The following LMX1A variants were observed in gnomAD, a reference collection of about 807,000 sequenced individuals.
LMX1A encodes the protein LIM homeobox transcription factor 1-alpha.
In LMX1A, 15 loss-of-function variants were observed where a neutral mutation model predicts 49.1. The ratio of observed to expected loss-of-function variants is 0.31; its 90% CI spans 0.20 to 0.47. The LOEUF (loss-of-function observed/expected upper bound fraction) is 0.47, where lower values mean the gene tolerates loss of function less well. Among genes scored for constraint, LMX1A ranks in the 20% least tolerant of loss-of-function variants. The pLI is 1.00. For missense variants in LMX1A, 372 were observed against 475.8 expected (o/e 0.78, Z 2.03); for synonymous variants, 167 against 185.7 (o/e 0.90, Z 0.82).
At position 165,228,436 on chromosome 1, in the gene LMX1A, A is replaced by G. The variant is rs1652116296; in HGVS notation, c.497-14623T>C. 2.0e-5 allele frequency among the ~76,000 whole-genome samples: 3 copies of G among 152,126 alleles called. No homozygotes were observed. In the South Asian group the frequency reaches 6.2e-4, roughly 32 times the overall value. ...CAACAACCTCATCAGCCATCTAATC[A>G]CTTCTCTGTATTAAACTCTCTCTGT... On this transcript the variant is annotated intron_variant, in intron 4 of 8. Transcript: ENST00000342310.
chr1:165,352,932 T>C (rs1282893651), intron 3 of LMX1A, 144 bp downstream of exon 3: 1 of 879,062 alleles, frequency 1.1e-6, no homozygotes, highest in Non-Finnish European at 1.8e-6. Context: ...AGGGGCAATG[T>C]ACACGACTGC....
At chr1:165,223,578 C>T (rs1464863675) in intron 4 of LMX1A, among the ~76,000 whole-genome samples, 2 of 152,220 alleles carry the variant, frequency 1.3e-5, no homozygotes, top group Non-Finnish European at 2.9e-5. Flanking sequence ...CTTAAATTCA[C>T]AGTTCTGTGC....
intron 3 of LMX1A, among the ~76,000 whole-genome samples, chr1:165,292,464 T>C (rs1413194985): frequency 6.6e-6 from 1 of 152,048 alleles, no homozygotes; most frequent in East Asian, 1.9e-4. Flanking sequence ...ATATGAGAGA[T>C]ATACGAAGTG....
chr1:165,236,681 C>T (rs1206304577), intron 4 of LMX1A, among the ~76,000 whole-genome samples: 1 of 151,844 alleles, frequency 6.6e-6, no homozygotes. Context: ...GGAAGAATGG[C>T]TGATTAAGGT....
intron 4 of LMX1A, among the ~76,000 whole-genome samples, chr1:165,237,224 A>C (rs1406586720): frequency 6.6e-6 from 1 of 151,968 alleles, no homozygotes; most frequent in Non-Finnish European, 1.5e-5. Context: ...TACACTCTCT[A>C]TCTTTATTTA....
At chr1:165,319,992 G>A (rs1356755862) in intron 3 of LMX1A, among the ~76,000 whole-genome samples, 1 of 152,138 alleles carries the variant, frequency 6.6e-6, no homozygotes, top group Non-Finnish European at 1.5e-5. Flanking sequence ...CACTAAGACA[G>A]CACAACCTCT....
chr1:165,221,386 G>A (rs557635833), intron 4 of LMX1A, among the ~76,000 whole-genome samples: 57 of 151,928 alleles, frequency 3.8e-4, no homozygotes, highest in African/African-American at 1.2e-3. Flanking sequence ...AGACCCTCCC[G>A]TCTCCCCCCA....
rs1571241254 is a variant in LMX1A at position 165,355,506 on chromosome 1, C to T, written c.54G>A (p.Ser18=). 9 of 1,614,014 alleles carry T rather than the reference C, an allele frequency of 5.6e-6. No individual in the cohort carries two copies. Among genetic ancestry groups the T allele is most frequent in the Middle Eastern group, 3.3e-4 (2 of 6,062 alleles). The change falls in exon 2 of 9, where the codon TCG becomes TCA. Residue 18 remains serine, a synonymous_variant. Coordinates refer to ENST00000342310, the MANE Select transcript of LMX1A (RefSeq NM_177398.4). The surrounding 1 kb of genome is among the most constrained non-coding windows in gnomAD (Gnocchi z 4.7). Reference sequence around the variant, plus strand: ...CACCCAGCAGCGAGGAGAAGGAGGCCGAGGTGTCGATCGCGCTTTGGAAGT... The same window carrying T: ...CACCCAGCAGCGAGGAGAAGGAGGCTGAGGTGTCGATCGCGCTTTGGAAGT... ...EENFQSAIDT[S]ASFSSLLGRA... is the part of the protein sequence containing the mutation.
At chr1:165,313,949 T>G (rs561116289) in intron 3 of LMX1A, among the ~76,000 whole-genome samples, 1 of 152,188 alleles carries the variant, frequency 6.6e-6, no homozygotes, top group Non-Finnish European at 1.5e-5. Context: ...TTTCCCAAAC[T>G]GCTTTCAGAA....
At chr1:165,213,602 T>C in intron 5 of LMX1A, 39 bp downstream of exon 5, 1 of 1,579,472 alleles carries the variant, frequency 6.3e-7, no homozygotes, top group South Asian at 1.1e-5. Context: ...CACAGAGAAG[T>C]GGGGCCCAGC....
chr1:165,333,002 T>C (rs192666810), intron 3 of LMX1A, among the ~76,000 whole-genome samples: 1 of 152,338 alleles, frequency 6.6e-6, no homozygotes, highest in Non-Finnish European at 1.5e-5. Context: ...ATGCCTCTTT[T>C]AGAAACCATG....
intron 3 of LMX1A, among the ~76,000 whole-genome samples, chr1:165,286,298 A>T (rs1464269055): frequency 6.6e-6 from 1 of 152,196 alleles, no homozygotes; most frequent in Non-Finnish European, 1.5e-5. Flanking sequence ...ACTTCCTGGT[A>T]GACTCTGGAT....
chr1:165,235,470 C>T (rs1014258763), intron 4 of LMX1A, among the ~76,000 whole-genome samples: 2 of 152,252 alleles, frequency 1.3e-5, no homozygotes, highest in East Asian at 1.9e-4. Context: ...TCGGAAAGCC[C>T]TCTCTCGCAG....
intron 5 of LMX1A, 186 bp from the exon 6 acceptor site, chr1:165,210,962 C>T (rs960399999): frequency 7.5e-5 from 33 of 441,768 alleles, no homozygotes; most frequent in Non-Finnish European, 1.2e-4. Context: ...GAAAGTCCTT[C>T]ACCAGGTAAA....
chr1:165,314,669 C>T (rs577864773), intron 3 of LMX1A, among the ~76,000 whole-genome samples: 24 of 151,994 alleles, frequency 1.6e-4, no homozygotes, highest in Middle Eastern at 3.4e-3. Context: ...TTTAGTCTCT[C>T]AGGGCTTGAA....
At chr1:165,326,283 T>C (rs1655578260) in intron 3 of LMX1A, among the ~76,000 whole-genome samples, 1 of 152,202 alleles carries the variant, frequency 6.6e-6, no homozygotes. Flanking sequence ...TTCCATATGA[T>C]GGCTTCTGAG....
intron 4 of LMX1A, among the ~76,000 whole-genome samples, chr1:165,244,867 A>C (rs1652786963): frequency 6.6e-6 from 1 of 152,052 alleles, no homozygotes; most frequent in South Asian, 2.1e-4. Flanking sequence ...TGTCAAAAAA[A>C]AAAAATCATC....
At chr1:165,350,587 C>T (rs1656396388) in intron 3 of LMX1A, among the ~76,000 whole-genome samples, 1 of 151,884 alleles carries the variant, frequency 6.6e-6, no homozygotes, top group Non-Finnish European at 1.5e-5. Context: ...CCTTTTTCTC[C>T]TACAGATACC....
chr1:165,294,352 G>A (rs1042276219), intron 3 of LMX1A, among the ~76,000 whole-genome samples: 5 of 152,160 alleles, frequency 3.3e-5, no homozygotes, highest in African/African-American at 4.8e-5. Context: ...GCAAAGTGCC[G>A]GAACAGCCAG....
Sources: allele counts gnomAD v4.1 joint callset (sites outside exome capture counted in the v4.1 genomes callset), GRCh38; gene constraint gnomAD v4.1.1; non-coding constraint Gnocchi (gnomAD v3.1); transcripts MANE v1.5; gene names NCBI Gene and HGNC (gene_info 2026-07-23, HGNC 2026-07-21).